Variants in HS1BP3 observed in about 807,000 individuals in gnomAD.
HS1BP3 encodes HCLS1-binding protein 3.
Under a neutral mutation model 33.5 loss-of-function variants are expected in HS1BP3, and 32 were observed. The observed-to-expected ratio is 0.95, with a 90% confidence interval of 0.72 to 1.28. HS1BP3 has a LOEUF of 1.28. Among genes scored for constraint, HS1BP3 ranks in the 50% most tolerant of loss-of-function variants. The pLI, the probability that HS1BP3 is intolerant of heterozygous loss-of-function variation, is 0.00. For missense variants in HS1BP3, 486 were observed against 502.3 expected (o/e 0.97, Z 0.31); for synonymous variants, 187 against 209.2 (o/e 0.89, Z 0.92).
chr2:20,612,770 A>G (rs1694341699), intron 2 of HS1BP3, among the ~76,000 whole-genome samples: 1 of 152,186 alleles, frequency 6.6e-6, no homozygotes, highest in African/African-American at 2.4e-5. Flanking sequence ...GCTGCTATGA[A>G]CATCTGTGTA....
chr2:20,584,363 G>A (rs74838484), intron 5 of HS1BP3, among the ~76,000 whole-genome samples: 7,552 of 152,240 alleles, frequency 0.05, 178 homozygotes, highest in South Asian at 0.069. Flanking sequence ...GGGGTGTGCC[G>A]GTCCCTGCCA....
At chr2:20,619,436 C>A (rs1025697528) in intron 6 of HS1BP3, among the ~76,000 whole-genome samples, 191 bp from the exon 7 acceptor site, 1 of 152,136 alleles carries the variant, frequency 6.6e-6, no homozygotes, top group Non-Finnish European at 1.5e-5. Context: ...AGAGGAGACA[C>A]GAAGGCCAGG....
downstream of HS1BP3, among the ~76,000 whole-genome samples, chr2:20,588,181 T>A (rs1693727502): frequency 1.3e-5 from 2 of 152,038 alleles, no homozygotes; most frequent in Admixed American, 1.3e-4. Flanking sequence ...TTAAAAGTGA[T>A]GTTAATTGTC....
chr2:20,592,096 C>A (rs540687655), downstream of HS1BP3, among the ~76,000 whole-genome samples: 27 of 152,112 alleles, frequency 1.8e-4, no homozygotes, highest in Non-Finnish European at 3.5e-4. Context: ...AGGAGGACAC[C>A]TCCCTTGGTC....
chr2:20,624,754 C>T lies in HS1BP3; in HGVS notation c.762G>A (p.Ser254=), dbSNP rs138020355. The part of the protein sequence containing the change: ...PGRKLSPQDP[S]EDVSSVDPLK... Reference sequence around the variant, plus strand: ...TACGGTCCACGGATGACACGTCCTCCGAGGGGTCCTGTGGAGACAGCTTCC... The same window carrying T: ...TACGGTCCACGGATGACACGTCCTCTGAGGGGTCCTGTGGAGACAGCTTCC... The change falls in exon 5 of 7, where the codon TCG becomes TCA. Residue 254 remains serine (S), a synonymous_variant. Transcript: ENST00000304031. 4.1e-5 allele frequency: 66 copies of T among 1,606,636 alleles called. No individual in the cohort carries two copies. The highest frequency in any genetic ancestry group is 2.6e-4 in the Admixed American group (15 of 58,622).
At chr2:20,634,441 AG>A (rs1479976989) in intron 4 of HS1BP3, among the ~76,000 whole-genome samples, 2 of 152,216 alleles carry the variant, frequency 1.3e-5, no homozygotes, top group African/African-American at 4.8e-5. Flanking sequence ...TGGTGGCATC[AG>A]GGGAGCCCTG....
At position 20,638,470 on chromosome 2, in the gene HS1BP3, C is replaced by T. The variant is rs768687416; in HGVS notation, c.589G>A (p.Glu197Lys). Residue 197 changes from glutamate to lysine, a missense_variant, in exon 4 of 7, where the codon GAG becomes AAG. Glu to Lys is a moderately conservative substitution (Grantham distance 56). Transcript: ENST00000304031. ...CCCAGAGGGTCCAGCGCCTCCTCCT[C>T]CTCCAAGGATTCCTCAGCATCCTCG... is the stretch of plus-strand genomic sequence containing the variant. ...KGEDAEESLEEEEALDPLGIM... is the reference protein window; with the variant it reads ...KGEDAEESLEKEEALDPLGIM... 57 of 1,614,138 alleles carry T rather than the reference C, an allele frequency of 3.5e-5. No homozygotes were observed. The highest frequency in any genetic ancestry group is 4.6e-5 in the Non-Finnish European group (54 of 1,180,056).
chr2:20,600,832 A>T (rs1158757474), intron 2 of HS1BP3, among the ~76,000 whole-genome samples: 2 of 152,146 alleles, frequency 1.3e-5, no homozygotes, highest in African/African-American at 4.8e-5. Context: ...TTATAAAAAA[A>T]TATATATTTC....
rs73919927 is a variant in HS1BP3 at position 20,585,824 on chromosome 2, A to G, written c.303-25309T>C. 6.3e-3 allele frequency among the ~76,000 whole-genome samples: 966 copies of G among 152,262 alleles called. 12 individuals are homozygous for G. The highest frequency in any genetic ancestry group is 0.021 in the African/African-American group (855 of 41,544). ...CAGCCCCGTCATGGGATGAATACAT[A>G]CCATCATGCCTACTGTGTGTCAGGC... On this transcript the variant is annotated intron_variant, in intron 5 of 5. Coordinates refer to the HS1BP3 transcript ENST00000446825.
chr2:20,592,115 C>T (rs1693829699), downstream of HS1BP3, among the ~76,000 whole-genome samples: 1 of 148,344 alleles, frequency 6.7e-6, no homozygotes, highest in African/African-American at 2.5e-5. Flanking sequence ...TCACACTATT[C>T]TCCTGAGCCC....
intron 5 of HS1BP3, among the ~76,000 whole-genome samples, chr2:20,562,024 A>G (rs1693011886): frequency 6.6e-6 from 1 of 152,176 alleles, no homozygotes; most frequent in African/African-American, 2.4e-5. Flanking sequence ...ACCCCAAAGG[A>G]CTAGGTTTGG....
In HS1BP3 at chr2:20,645,503, C is replaced by T. The variant is rs144213150; in HGVS notation, c.35G>A (p.Arg12Gln). Residue 12 changes from arginine (R) to glutamine (Q), a missense_variant and splice_region_variant, in exon 2 of 7, where the codon CGA (arginine) becomes CAA (glutamine). Physicochemically the swap from Arg to Gln is conservative, Grantham distance 43. Transcript: ENST00000304031. Reference sequence around the variant, plus strand: ...GAGGCCAGTGTGGGCATTCTGAAGTCGCCTGCCAGGGGAAAAGAAGGCAGG... The same window carrying T: ...GAGGCCAGTGTGGGCATTCTGAAGTTGCCTGCCAGGGGAAAAGAAGGCAGG... Reference protein sequence around the residue: ...QSPAVLVTSRRLQNAHTGLDL... With the variant: ...QSPAVLVTSRQLQNAHTGLDL... 1.4e-3 allele frequency: 2,179 copies of T among 1,611,080 alleles called. 1 individual carries two copies. Among genetic ancestry groups the T allele is most frequent in the Non-Finnish European group, 1.8e-3 (2,086 of 1,178,724 alleles).
intron 5 of HS1BP3, among the ~76,000 whole-genome samples, chr2:20,570,198 C>G (rs1426081306): frequency 6.6e-6 from 1 of 151,944 alleles, no homozygotes; most frequent in Non-Finnish European, 1.5e-5. Flanking sequence ...TTTCCCCCTT[C>G]TTTTAGGCTG....
intron 2 of HS1BP3, among the ~76,000 whole-genome samples, chr2:20,605,566 C>A (rs553173010): frequency 6.6e-6 from 1 of 152,162 alleles, no homozygotes; most frequent in Non-Finnish European, 1.5e-5. Context: ...CATCACCCCC[C>A]AAAGGAAAAC....
chr2:20,584,526 C>CA (rs1693633656), intron 5 of HS1BP3, among the ~76,000 whole-genome samples: 1 of 152,190 alleles, frequency 6.6e-6, no homozygotes, highest in South Asian at 2.1e-4. Flanking sequence ...TTCGGGTCAG[C>CA]AGGGGAGGAG....
chr2:20,645,306 C>G (rs752053695), intron 2 of HS1BP3, 34 bp downstream of exon 2: 2 of 1,599,450 alleles, frequency 1.3e-6, no homozygotes, highest in Admixed American at 3.4e-5. Flanking sequence ...CCCCGGGCAC[C>G]CTCGAAACAT....
At chr2:20,621,336 C>CAG (rs1007170842) in intron 6 of HS1BP3, among the ~76,000 whole-genome samples, 1 of 152,232 alleles carries the variant, frequency 6.6e-6, no homozygotes, top group Non-Finnish European at 1.5e-5. Context: ...GCACAAACCC[C>CAG]AGAGAGAGAA....
intron 2 of HS1BP3, among the ~76,000 whole-genome samples, chr2:20,605,026 T>G (rs1694145228): frequency 2.0e-5 from 3 of 152,232 alleles, no homozygotes; most frequent in Non-Finnish European, 4.4e-5. Context: ...TGAGTCTCTC[T>G]CTCAGGATGC....
Position 20,618,929 on chromosome 2 carries a change from C to T in HS1BP3, c.*58G>A. On this transcript the variant is annotated 3_prime_UTR_variant, in exon 7 of 7. Transcript: ENST00000304031. Reference sequence around the variant, plus strand: ...TGACCCTGCAGGGCCCAGTCCCTTCCCTTCACACCGATGTCCCCACAGACA... The same window carrying T: ...TGACCCTGCAGGGCCCAGTCCCTTCTCTTCACACCGATGTCCCCACAGACA... 1 of 1,565,782 alleles carries T rather than the reference C, an allele frequency of 6.4e-7. No homozygotes were observed. Among genetic ancestry groups the T allele is most frequent in the Non-Finnish European group, 8.7e-7 (1 of 1,155,366 alleles).
Sources: gnomAD v4.1 joint callset for allele counts (sites outside exome capture counted in the v4.1 genomes callset) on GRCh38, gnomAD v4.1.1 for gene constraint, MANE v1.5 for transcripts, NCBI Gene and HGNC (gene_info 2026-07-23, HGNC 2026-07-21) for gene names.